The following RNF167 variants were observed in gnomAD, a reference collection of about 807,000 sequenced individuals.
The protein encoded by RNF167 is ring finger protein 167, also known as E3 ubiquitin-protein ligase RNF167.
In RNF167, 19 loss-of-function variants were observed where a neutral mutation model predicts 34.8. That is an observed-to-expected ratio of 0.55 (90% CI 0.38 to 0.80). RNF167 has a LOEUF of 0.80. Ranked by LOEUF, RNF167 falls within the 30% of genes least tolerant of loss-of-function variation. The probability of loss-of-function intolerance (pLI) is 0.00; values close to 1 mark genes in which losing one functional copy is unlikely to be tolerated. For synonymous variants in RNF167, 200 were observed against 170.4 expected, an observed-to-expected ratio of 1.17 and a Z score of -1.35; for missense variants, 464 against 447.0, an observed-to-expected ratio of 1.04 and a Z score of -0.34.
intron 3 of RNF167, 98 bp downstream of exon 3, chr17:4,941,255 G>C: frequency 4.4e-6 from 5 of 1,149,044 alleles, no homozygotes; most frequent in Non-Finnish European, 6.3e-6. Context: ...ATCCTAGGCT[G>C]GGGTTGGGGA....
Position 4,943,532 on chromosome 17 carries a change from G to A in RNF167, c.670+13G>A, listed in dbSNP as rs377625190. The A allele has an allele frequency of 7.8e-4, 1,236 of 1,591,958 alleles. 1 individual carries two copies. Among genetic ancestry groups the A allele is most frequent in the Non-Finnish European group, 1.0e-3 (1,174 of 1,161,374 alleles). On this transcript the variant is annotated intron_variant, in intron 8 of 9. Coordinates refer to ENST00000262482, the MANE Select transcript of RNF167 (RefSeq NM_015528.3). ...GACTATCAGAAGGGTGAGGGGGTTAGGGGAGAAGAGGGCTTTTCCCACAGT... is the reference window on the plus strand; with the variant it reads ...GACTATCAGAAGGGTGAGGGGGTTAAGGGAGAAGAGGGCTTTTCCCACAGT...
rs1273594714 is a variant in RNF167 at position 4,943,445 on chromosome 17, A to T, written c.596A>T (p.His199Leu). The T allele has an allele frequency of 6.2e-7, 1 of 1,613,948 alleles. No homozygotes were observed. Among genetic ancestry groups the T allele is most frequent in the Admixed American group, 1.7e-5 (1 of 59,978 alleles). Residue 199 changes from histidine to leucine, a missense_variant, in exon 8 of 10, where the codon CAC (histidine) becomes CTC (leucine). His to Leu is a moderately conservative substitution (Grantham distance 99). Coordinates refer to ENST00000262482, the MANE Select transcript of RNF167 (RefSeq NM_015528.3). ...GAVMIARCIQHRKRLQRNRLT... is the reference protein window; with the variant it reads ...GAVMIARCIQLRKRLQRNRLT... ...CCCCAGATAGCTCGTTGTATCCAGC[A>T]CCGGAAACGGCTCCAGCGGAATCGA...
Position 4,944,931 on chromosome 17 carries a change from C to G in RNF167, c.968C>G (p.Ser323Cys). ...SSPTLPTSFG[S>C]LAPAPLVFPG... ...CCCACTCTTCCCACCTCCTTTGGTTCCTTAGCCCCAGCTCCCCTTGTTTTT... is the reference window on the plus strand; with the variant it reads ...CCCACTCTTCCCACCTCCTTTGGTTGCTTAGCCCCAGCTCCCCTTGTTTTT... Residue 323 changes from serine (S) to cysteine (C), a missense_variant, in exon 10 of 10, where the codon TCC (serine) becomes TGC (cysteine). Transcript: ENST00000262482. 1 of 1,611,350 alleles carries G rather than the reference C, an allele frequency of 6.2e-7. No individual in the cohort carries two copies. Among genetic ancestry groups the G allele is most frequent in the Non-Finnish European group, 8.5e-7 (1 of 1,178,704 alleles).
At position 4,943,217 on chromosome 17, in the gene RNF167, TG is replaced by T. The variant is rs1971011019; in HGVS notation, c.512del (p.Gly171AlafsTer21). The T allele has an allele frequency of 6.2e-7, 1 of 1,614,042 alleles. No individual in the cohort carries two copies. The highest frequency in any genetic ancestry group is 8.5e-7 in the Non-Finnish European group (1 of 1,180,026). ...VLLVPDNTFP[L>X]GYYLIPFTGI... ...CTGGTTCCAGACAATACCTTCCCCT[TG>T]GGCTATTACCTCATCCCTTTCACAG... is the stretch of plus-strand genomic sequence containing the variant. On this transcript the variant is annotated frameshift_variant, in exon 7 of 10. Coordinates refer to ENST00000262482, the MANE Select transcript of RNF167 (RefSeq NM_015528.3). LOFTEE classifies it high-confidence loss of function.
intron 8 of RNF167, among the ~76,000 whole-genome samples, 161 bp downstream of exon 8, chr17:4,943,680 G>A (rs1056838502): frequency 2.0e-5 from 3 of 152,146 alleles, no homozygotes; most frequent in African/African-American, 7.2e-5. Flanking sequence ...GGCCAAGGTG[G>A]GCAGGTCACT....
rs758751256 is a variant in RNF167, at chr17:4,945,055, C to G, written c.*39C>G. The stretch of plus-strand genomic sequence containing the variant: ...ATACACCTCTGGTGACCTATTTGCA[C>G]AGACCGTCGTCTTCCCTCCAGTCTT... On this transcript the variant is annotated 3_prime_UTR_variant, in exon 10 of 10. Transcript: ENST00000262482. 9.5e-6 allele frequency: 14 copies of G among 1,479,556 alleles called. No homozygotes were observed. The highest frequency in any genetic ancestry group is 1.3e-5 in the Non-Finnish European group (14 of 1,103,740). 91.7% of individuals were successfully genotyped at this position (1,479,556 alleles called of 1,614,324 possible). A position where few individuals can be genotyped will look rare whatever the true frequency, so the allele number is the denominator to read the frequency against.
Position 4,940,814 on chromosome 17 carries a change from G to A in RNF167, c.-96G>A. On this transcript the variant is annotated 5_prime_UTR_variant, in exon 2 of 10. Coordinates refer to ENST00000262482, the MANE Select transcript of RNF167 (RefSeq NM_015528.3). ...GGGACCTGGGGGTGGTTGGACCCCTGGGATCCTAAAGGAGGGGCAGGGAGG... is the reference window on the plus strand; with the variant it reads ...GGGACCTGGGGGTGGTTGGACCCCTAGGATCCTAAAGGAGGGGCAGGGAGG... 2 of 1,188,612 alleles carry A rather than the reference G, an allele frequency of 1.7e-6. No individual in the cohort carries two copies. Among genetic ancestry groups the A allele is most frequent in the Admixed American group, 2.6e-5 (1 of 38,024 alleles). The allele number at this position is 1,188,612 out of a possible 1,614,324, so 73.6% of individuals were successfully genotyped here.
rs1409902712 is a variant in RNF167 at position 4,943,053 on chromosome 17, G to A, written c.470+112G>A. On this transcript the variant is annotated intron_variant, in intron 6 of 9. Transcript: ENST00000262482. ...TTCAGCCTCCTGTCCTTCCTTCCCT[G>A]CCTCTTTGACTTTCTTCCCATTCCT... The A allele has an allele frequency of 5.4e-6, 7 of 1,302,984 alleles. No individual in the cohort carries two copies. The Admixed American group carries it at 1.1e-4, about 20-fold the overall frequency. The allele number at this position is 1,302,984 out of a possible 1,614,324, so 80.7% of individuals were successfully genotyped here. A position where few individuals can be genotyped will look rare whatever the true frequency, so the allele number is the denominator to read the frequency against.
intron 5 of RNF167, 24 bp from the exon 6 acceptor site, chr17:4,942,827 A>G (rs1970956297): frequency 6.2e-7 from 1 of 1,611,406 alleles, no homozygotes. Context: ...GTGAGTCCCC[A>G]GAGTAACACC....
At chr17:4,943,082 C>T (rs1970991608) in intron 6 of RNF167, 97 bp from the exon 7 acceptor site, 1 of 1,308,880 alleles carries the variant, frequency 7.6e-7, no homozygotes, top group Admixed American at 1.9e-5. Flanking sequence ...CATTCCTGTC[C>T]CCACCTATGG....
At position 4,944,932 on chromosome 17, in the gene RNF167, C is replaced by G. The variant is rs368910642; in HGVS notation, c.969C>G (p.Ser323=). ...CCACTCTTCCCACCTCCTTTGGTTCCTTAGCCCCAGCTCCCCTTGTTTTTC... is the reference window on the plus strand; with the variant it reads ...CCACTCTTCCCACCTCCTTTGGTTCGTTAGCCCCAGCTCCCCTTGTTTTTC... ...SSPTLPTSFG[S]LAPAPLVFPG... The change falls in exon 10 of 10, where the codon TCC becomes TCG. Residue 323 remains serine (S), a synonymous_variant. Coordinates refer to ENST00000262482, the MANE Select transcript of RNF167 (RefSeq NM_015528.3). The G allele has an allele frequency of 8.1e-6, 13 of 1,611,004 alleles. No individual in the cohort carries two copies. The African/African-American group carries it at 1.2e-4, about 15-fold the overall frequency.
At chr17:4,943,107 C>A in intron 6 of RNF167, 72 bp from the exon 7 acceptor site, 1 of 1,412,870 alleles carries the variant, frequency 7.1e-7, no homozygotes, top group Non-Finnish European at 9.9e-7. Flanking sequence ...TGTCCAGAGC[C>A]AGTTACTTTG....
chr17:4,940,836 G>A lies in RNF167; in HGVS notation c.-74G>A. 1 of 1,377,318 alleles carries A rather than the reference G, an allele frequency of 7.3e-7. No individual in the cohort carries two copies. The highest frequency in any genetic ancestry group is 1.4e-5 in the South Asian group (1 of 70,444). 85.3% of individuals were successfully genotyped at this position (1,377,318 alleles called of 1,614,324 possible). The stretch of plus-strand genomic sequence containing the variant: ...CCTGGGATCCTAAAGGAGGGGCAGG[G>A]AGGGCGCAGAACTCCGCTTCTGCTC... On this transcript the variant is annotated 5_prime_UTR_variant, in exon 2 of 10. Coordinates refer to ENST00000262482, the MANE Select transcript of RNF167 (RefSeq NM_015528.3).
chr17:4,940,195 T>C, upstream of RNF167: 1 of 336,172 alleles, frequency 3.0e-6, no homozygotes, highest in Non-Finnish European at 5.3e-6. Flanking sequence ...CGCGGGAAAA[T>C]AGAGAAGAGT....
chr17:4,942,667 A>G lies in RNF167; in HGVS notation c.379+3A>G, dbSNP rs1970942607. ...TCTGAACATGGTGTGGAATAGTGGT[A>G]AGGCTGGGGGAATCTATACAGCTGG... On this transcript the variant is annotated splice_donor_region_variant and intron_variant, in intron 5 of 9. Coordinates refer to ENST00000262482, the MANE Select transcript of RNF167 (RefSeq NM_015528.3). The G allele has an allele frequency of 6.2e-7, 1 of 1,613,968 alleles. No individual in the cohort carries two copies. The highest frequency in any genetic ancestry group is 1.1e-5 in the South Asian group (1 of 91,070).
chr17:4,945,181 C>G lies in RNF167; in HGVS notation c.*165C>G, dbSNP rs909409907. 2.8e-5 allele frequency: 16 copies of G among 573,142 alleles called. 1 individual carries two copies. The highest frequency in any genetic ancestry group is 2.5e-4 in the African/African-American group (13 of 51,694). 35.5% of individuals were successfully genotyped at this position (573,142 alleles called of 1,614,324 possible). A position where few individuals can be genotyped will look rare whatever the true frequency, so the allele number is the denominator to read the frequency against. On this transcript the variant is annotated 3_prime_UTR_variant, in exon 10 of 10. Transcript: ENST00000262482. Reference sequence around the variant, plus strand: ...GCTGGGGCAAGCAGAGGGACTGGGTCTTCACTTCTTGGGCTAATAAAATTG... The same window carrying G: ...GCTGGGGCAAGCAGAGGGACTGGGTGTTCACTTCTTGGGCTAATAAAATTG...
In RNF167 at chr17:4,940,928, C is replaced by G. The variant is rs753394485; in HGVS notation, c.19C>G (p.Pro7Ala). MHPAAF[P>A]LPVVVAAVLW... ...CGCTGCCATGCACCCTGCAGCCTTC[C>G]CGCTTCCTGTGGTTGTGGCCGCTGT... Residue 7 changes from proline (P) to alanine (A), a missense_variant, in exon 2 of 10, where the codon CCG becomes GCG. Physicochemically the swap from Pro to Ala is conservative, Grantham distance 27. Transcript: ENST00000262482. 12 of 1,608,602 alleles carry G rather than the reference C, an allele frequency of 7.5e-6. No homozygotes were observed. In the Admixed American group the frequency reaches 2.0e-4, roughly 27 times the overall value.
intron 8 of RNF167, among the ~76,000 whole-genome samples, chr17:4,943,955 G>C (rs2151127566): frequency 6.6e-6 from 1 of 152,294 alleles, no homozygotes; most frequent in Non-Finnish European, 1.5e-5. Flanking sequence ...TTGCACCACT[G>C]TGCTCCAGCC....
In RNF167 at chr17:4,944,854, G is replaced by A; in HGVS notation, c.891G>A (p.Gly297=). 3 of 1,613,720 alleles carry A rather than the reference G, an allele frequency of 1.9e-6. No individual in the cohort carries two copies. The highest frequency in any genetic ancestry group is 2.5e-6 in the Non-Finnish European group (3 of 1,179,826). ...AAGGGCAAGAGGAGGGTGATGAAGG[G>A]GAGCCAAGGGACCACCCTGCCTCAG... ...ETQGQEEGDE[G]EPRDHPASER... Residue 297 remains glycine, a synonymous_variant, in exon 10 of 10, where the codon GGG becomes GGA. Transcript: ENST00000262482.
Sources: allele counts gnomAD v4.1 joint callset (sites outside exome capture counted in the v4.1 genomes callset), GRCh38; gene constraint gnomAD v4.1.1; transcripts MANE v1.5; gene names NCBI Gene and HGNC (gene_info 2026-07-23, HGNC 2026-07-21).